The following NFIA variants were observed in gnomAD, a reference collection of about 807,000 sequenced individuals.
NFIA encodes the protein nuclear factor 1 A-type.
In NFIA, 8 loss-of-function variants were observed where a neutral mutation model predicts 62.8. The observed-to-expected ratio is 0.13, with a 90% CI of 0.07 to 0.23. The LOEUF (loss-of-function observed/expected upper bound fraction) is 0.23. Among genes scored for constraint, NFIA ranks in the 10% least tolerant of loss-of-function variants. The pLI is 1.00. For synonymous variants in NFIA, 235 were observed against 238.1 expected (o/e 0.99, Z 0.12); for missense variants, 410 against 642.1 (o/e 0.64, Z 3.91).
At chr1:61,399,258 G>T (rs1411068382) in intron 7 of NFIA, among the ~76,000 whole-genome samples, 4 of 152,160 alleles carry the variant, frequency 2.6e-5, no homozygotes, top group African/African-American at 9.7e-5. Context: ...CAGATGCCAG[G>T]GCTCAGGAGT....
In NFIA at chr1:61,458,741, G is replaced by T. The variant is rs1668414438; in HGVS notation, c.*3421G>T. On this transcript the variant is annotated 3_prime_UTR_variant, in exon 11 of 11. Transcript: ENST00000403491. ...AATACAATTATTTTTTTCTCTCAAT[G>T]GTATAGCATATTCCTATGCTTGAGA... is the stretch of plus-strand genomic sequence containing the variant. 7.2e-6 allele frequency: 1 copy of T among 138,962 alleles called. No homozygotes were observed. The allele number at this position is 138,962 out of a possible 1,614,324, so 8.6% of individuals were successfully genotyped here.
intron 2 of NFIA, among the ~76,000 whole-genome samples, chr1:61,159,634 C>G (rs1209022799): frequency 6.6e-6 from 1 of 150,956 alleles, no homozygotes; most frequent in Non-Finnish European, 1.5e-5. Flanking sequence ...TTTGTTCTGC[C>G]TACCTCATTG....
chr1:61,244,197 A>G (rs999371363), intron 2 of NFIA, among the ~76,000 whole-genome samples: 1 of 152,178 alleles, frequency 6.6e-6, no homozygotes, highest in African/African-American at 2.4e-5. Context: ...CCAACAAGTC[A>G]GTTTACAAAA....
intron 2 of NFIA, among the ~76,000 whole-genome samples, chr1:61,179,549 C>T (rs2100559153): frequency 6.6e-6 from 1 of 152,292 alleles, no homozygotes; most frequent in African/African-American, 2.4e-5. Context: ...GCCATTGGAG[C>T]TCCTGATTGA....
chr1:61,178,570 C>T (rs12063945), intron 2 of NFIA, among the ~76,000 whole-genome samples: 22,692 of 152,106 alleles, frequency 0.15, 2,671 homozygotes, highest in African/African-American at 0.3. Context: ...GGATTCAATC[C>T]GTGTATCTCC....
intron 2 of NFIA, among the ~76,000 whole-genome samples, chr1:61,248,071 C>G (rs1246313701): frequency 6.6e-6 from 1 of 152,100 alleles, no homozygotes; most frequent in East Asian, 1.9e-4. Context: ...TCTGAAAAAT[C>G]TAATTGAGCC....
intron 2 of NFIA, among the ~76,000 whole-genome samples, chr1:61,165,417 T>C (rs2100542184): frequency 6.6e-6 from 1 of 152,352 alleles, no homozygotes; most frequent in Admixed American, 6.5e-5. Context: ...ATATTCTATA[T>C]GCATGTATGT....
At chr1:61,356,318 A>AT (rs1662952575) in intron 5 of NFIA, among the ~76,000 whole-genome samples, 1 of 152,088 alleles carries the variant, frequency 6.6e-6, no homozygotes, top group Non-Finnish European at 1.5e-5. Context: ...GGAAATGTTT[A>AT]TTTTTTTCTA....
At chr1:61,372,703 ATAG>A (rs1266770088) in intron 6 of NFIA, among the ~76,000 whole-genome samples, 1 of 152,112 alleles carries the variant, frequency 6.6e-6, no homozygotes, top group East Asian at 1.9e-4. Context: ...ATAGTGTTTA[ATAG>A]TAGTGTGGTC....
In NFIA at chr1:61,200,062, ATATATG is replaced by A. The variant is rs1204262492; in HGVS notation, c.560-77454_560-77449del. Among the ~76,000 whole-genome samples the A allele has an allele frequency of 2.2e-3, 103 of 45,952 alleles. 5 individuals carry two copies. In the East Asian group the frequency reaches 0.025, roughly 11 times the overall value. 30.1% of individuals were successfully genotyped at this position (45,952 alleles called of 152,430 possible). Reference sequence around the variant, plus strand: ...TATATATATATATATATATATATATATATATGTATGTATGTTGAGCTAGAATTATGC... The same window carrying A: ...TATATATATATATATATATATATATATATGTATGTTGAGCTAGAATTATGC... On this transcript the variant is annotated intron_variant, in intron 2 of 10. Transcript: ENST00000403491.
At chr1:61,189,644 G>T (rs148580426) in intron 2 of NFIA, among the ~76,000 whole-genome samples, 1 of 152,118 alleles carries the variant, frequency 6.6e-6, no homozygotes, top group African/African-American at 2.4e-5. Context: ...CAGCCTGGGC[G>T]ACAGAGCAAG....
chr1:61,344,624 T>C (rs1662115665), intron 4 of NFIA, among the ~76,000 whole-genome samples: 1 of 152,230 alleles, frequency 6.6e-6, no homozygotes, highest in African/African-American at 2.4e-5. Context: ...TCTTGTCCAC[T>C]GATGTTTCTC....
intron 3 of NFIA, among the ~76,000 whole-genome samples, chr1:61,280,033 A>G (rs1401783618): frequency 6.6e-6 from 1 of 152,254 alleles, no homozygotes; most frequent in African/African-American, 2.4e-5. Flanking sequence ...TTTGTTTCAA[A>G]GAAAAAGTAG....
chr1:61,426,242 A>G (rs1199732391), intron 9 of NFIA, among the ~76,000 whole-genome samples: 1 of 152,220 alleles, frequency 6.6e-6, no homozygotes, highest in Non-Finnish European at 1.5e-5. Context: ...TCTGAGCATT[A>G]GTTTGACATC....
chr1:61,190,514 AT>A (rs1044913236), intron 2 of NFIA, among the ~76,000 whole-genome samples: 10 of 152,344 alleles, frequency 6.6e-5, no homozygotes, highest in Non-Finnish European at 1.5e-4. Flanking sequence ...GTCTTATCCC[AT>A]TTTTATGGTT....
chr1:61,396,901 C>T (rs1176969781), intron 7 of NFIA, among the ~76,000 whole-genome samples: 4 of 151,930 alleles, frequency 2.6e-5, no homozygotes, highest in Admixed American at 2.6e-4. Context: ...ACTCGGGAGG[C>T]TAAGGCAGGA....
chr1:61,169,703 C>G (rs1172791028), intron 2 of NFIA, among the ~76,000 whole-genome samples: 4 of 152,162 alleles, frequency 2.6e-5, no homozygotes, highest in Admixed American at 2.6e-4. Flanking sequence ...AAACATGGCC[C>G]ATGATGTCAG....
intron 2 of NFIA, among the ~76,000 whole-genome samples, chr1:61,197,292 G>A (rs1652095154): frequency 7.5e-6 from 1 of 133,002 alleles, no homozygotes; most frequent in Non-Finnish European, 1.5e-5. Context: ...AGGCTGGTGT[G>A]CAGTGGCGTG....
At chr1:61,103,170 CAT>C (rs1290235155) in intron 2 of NFIA, among the ~76,000 whole-genome samples, 5 of 152,188 alleles carry the variant, frequency 3.3e-5, no homozygotes, top group Admixed American at 6.5e-5. Context: ...TGTGCAAAGA[CAT>C]ATGTGAAAAT....
Sources: gnomAD v4.1 joint callset for allele counts (sites outside exome capture counted in the v4.1 genomes callset) on GRCh38, gnomAD v4.1.1 for gene constraint, MANE v1.5 for transcripts, NCBI Gene and HGNC (gene_info 2026-07-23, HGNC 2026-07-21) for gene names.